LIMCH1: variants seen among roughly 807,000 people sequenced by gnomAD.
The protein encoded by LIMCH1 is LIM and calponin homology domains-containing protein 1.
A neutral mutation model predicts 176.5 loss-of-function variants in LIMCH1; 113 were observed. The ratio of observed to expected loss-of-function variants is 0.64; its 90% CI spans 0.55 to 0.75. The LOEUF (loss-of-function observed/expected upper bound fraction) is 0.75, where lower values mean the gene tolerates loss of function less well. Ranked by LOEUF, LIMCH1 falls within the 30% of genes least tolerant of loss-of-function variation. The probability of loss-of-function intolerance (pLI) is 0.00; values close to 1 mark genes in which losing one functional copy is unlikely to be tolerated. For synonymous variants in LIMCH1, 619 were observed against 645.9 expected, an observed-to-expected ratio of 0.96 and a Z score of 0.63; for missense variants, 1,674 against 1,814.9, an observed-to-expected ratio of 0.92 and a Z score of 1.41.
intron 1 of LIMCH1, among the ~76,000 whole-genome samples, chr4:41,469,443 G>A (rs2066620445): frequency 6.6e-6 from 1 of 151,440 alleles, no homozygotes; most frequent in Non-Finnish European, 1.5e-5. Context: ...TGACTCCCCT[G>A]TACTTGTCAA....
intron 1 of LIMCH1, among the ~76,000 whole-genome samples, chr4:41,380,652 G>C (rs1392420083): frequency 6.6e-6 from 1 of 152,168 alleles, no homozygotes; most frequent in Non-Finnish European, 1.5e-5. Flanking sequence ...TTTCCCCCAA[G>C]TGATTGCAAT....
chr4:41,626,241 T>A (rs1248188248), intron 7 of LIMCH1, among the ~76,000 whole-genome samples: 1 of 152,158 alleles, frequency 6.6e-6, no homozygotes, highest in Non-Finnish European at 1.5e-5. Flanking sequence ...CTGTTACACA[T>A]TCTAGGTGTG....
chr4:41,496,680 A>G (rs1011432770), intron 2 of LIMCH1, among the ~76,000 whole-genome samples: 1 of 152,184 alleles, frequency 6.6e-6, no homozygotes, highest in African/African-American at 2.4e-5. Context: ...GCTGCTACAG[A>G]CTGAGATTAG....
intron 2 of LIMCH1, among the ~76,000 whole-genome samples, chr4:41,497,462 T>C (rs1023225012): frequency 2.0e-5 from 3 of 152,126 alleles, no homozygotes; most frequent in African/African-American, 7.2e-5. Context: ...AGAAAGTAAC[T>C]GAGGTACAAA....
intron 1 of LIMCH1, among the ~76,000 whole-genome samples, chr4:41,593,175 T>C (rs904164576): frequency 5.9e-5 from 9 of 152,178 alleles, no homozygotes; most frequent in Admixed American, 2.0e-4. Flanking sequence ...GTCTTACCCA[T>C]AGCCCTTGGG....
intron 1 of LIMCH1, among the ~76,000 whole-genome samples, chr4:41,540,064 C>T (rs1457772362): frequency 6.6e-6 from 1 of 152,180 alleles, no homozygotes; most frequent in East Asian, 1.9e-4. Flanking sequence ...GTGAGATGGC[C>T]TGAGTTCAAA....
chr4:41,527,301 T>A (rs915719275), intron 3 of LIMCH1, among the ~76,000 whole-genome samples: 11 of 152,194 alleles, frequency 7.2e-5, no homozygotes, highest in African/African-American at 2.7e-4. Flanking sequence ...GTTAACAGTT[T>A]GAAATTAAAG....
chr4:41,565,447 AATAT>A (rs2082640652), intron 1 of LIMCH1, among the ~76,000 whole-genome samples: 1 of 149,972 alleles, frequency 6.7e-6, no homozygotes, highest in African/African-American at 2.4e-5. Flanking sequence ...ATATATGATA[AATAT>A]ATATATGAGA....
intron 2 of LIMCH1, among the ~76,000 whole-genome samples, chr4:41,516,694 G>T (rs1192468479): frequency 2.6e-5 from 4 of 152,302 alleles, no homozygotes; most frequent in East Asian, 3.9e-4. Flanking sequence ...CAGTATAGAT[G>T]ATTTTATTAG....
At chr4:41,644,738 G>C in intron 15 of LIMCH1, 112 bp downstream of exon 15, 4 of 1,347,868 alleles carry the variant, frequency 3.0e-6, no homozygotes, top group Non-Finnish European at 4.0e-6. Flanking sequence ...AGCCCCTAGA[G>C]GGTTTCAAAA....
chr4:41,598,019 C>T (rs1276378625), intron 1 of LIMCH1, among the ~76,000 whole-genome samples: 2 of 152,202 alleles, frequency 1.3e-5, no homozygotes, highest in East Asian at 1.9e-4. Flanking sequence ...GATGGATTCA[C>T]ATCAGTCTGG....
At chr4:41,583,900 C>T (rs566828988) in intron 1 of LIMCH1, among the ~76,000 whole-genome samples, 9 of 152,112 alleles carry the variant, frequency 5.9e-5, no homozygotes, top group African/African-American at 9.6e-5. Context: ...TTCCGAATAC[C>T]GAAATTACTT....
Position 41,629,500 on chromosome 4 carries a change from G to A in LIMCH1, c.1037G>A (p.Gly346Asp), listed in dbSNP as rs1354699984. The stretch of plus-strand genomic sequence containing the variant: ...CCGGATCAAATGGACAGAAACCAGG[G>A]CCACACAGAAGAGGTGAAGTTGATA... ...KRSLEYKRNQ[G>D]HTEEVKLIVT... Residue 346 changes from glycine to aspartate, a missense_variant, in exon 9 of 32, where the codon GGC becomes GAC. By Grantham distance (94) the Gly-to-Asp change is moderately conservative. Transcript: ENST00000503057. 6 of 1,535,994 alleles carry A rather than the reference G, an allele frequency of 3.9e-6. No individual in the cohort carries two copies. Among genetic ancestry groups the A allele is most frequent in the Non-Finnish European group, 5.2e-6 (6 of 1,146,874 alleles).
At chr4:41,428,956 T>A (rs2061355802) in intron 1 of LIMCH1, among the ~76,000 whole-genome samples, 1 of 152,228 alleles carries the variant, frequency 6.6e-6, no homozygotes, top group African/African-American at 2.4e-5. Flanking sequence ...TTGATTCCCC[T>A]TCTTACTTTT....
At chr4:41,455,408 T>A (rs913428699) in intron 1 of LIMCH1, among the ~76,000 whole-genome samples, 3 of 152,184 alleles carry the variant, frequency 2.0e-5, no homozygotes, top group Admixed American at 2.0e-4. Context: ...GGAGAAACAC[T>A]GCTCAGCTGG....
intron 1 of LIMCH1, among the ~76,000 whole-genome samples, chr4:41,391,413 C>T (rs557905751): frequency 1.3e-5 from 2 of 152,112 alleles, no homozygotes; most frequent in Non-Finnish European, 2.9e-5. Flanking sequence ...TAGGTTCTAA[C>T]GTCAGCACAT....
intron 1 of LIMCH1, among the ~76,000 whole-genome samples, chr4:41,581,146 C>CT (rs5857802): frequency 0.035 from 5,267 of 148,430 alleles, 201 homozygotes; most frequent in South Asian, 0.11. Context: ...ATCTATCTAT[C>CT]ATCTAATCAA....
intron 1 of LIMCH1, among the ~76,000 whole-genome samples, chr4:41,372,191 C>T (rs78030453): frequency 0.079 from 12,001 of 152,208 alleles, 548 homozygotes; most frequent in African/African-American, 0.13. Flanking sequence ...TTCCACCATG[C>T]GCTCTTGCCC....
At chr4:41,499,690 T>C (rs762500944) in intron 2 of LIMCH1, among the ~76,000 whole-genome samples, 60 of 152,160 alleles carry the variant, frequency 3.9e-4, no homozygotes, top group Non-Finnish European at 8.2e-4. Context: ...TGGTGGCGCA[T>C]GCCTCTAGTC....
Sources: allele counts gnomAD v4.1 joint callset (sites outside exome capture counted in the v4.1 genomes callset), GRCh38; gene constraint gnomAD v4.1.1; transcripts MANE v1.5; gene names NCBI Gene and HGNC (gene_info 2026-07-23, HGNC 2026-07-21).